The following MGAT5B variants were observed in gnomAD, a reference collection of about 807,000 sequenced individuals.
The protein encoded by MGAT5B is N-acetylglucosaminyl-transferase Vb.
Under a neutral mutation model 95.1 loss-of-function variants are expected in MGAT5B, and 54 were observed. The ratio of observed to expected loss-of-function variants is 0.57; its 90% CI spans 0.46 to 0.71. The LOEUF is 0.71. Among genes scored for constraint, MGAT5B ranks in the 30% least tolerant of loss-of-function variants. The probability of loss-of-function intolerance (pLI) is 0.00; values close to 1 mark genes in which losing one functional copy is unlikely to be tolerated. For synonymous variants in MGAT5B, 464 were observed against 451.0 expected, an observed-to-expected ratio of 1.03 and a Z score of -0.36; for missense variants, 935 against 1,088.6, an observed-to-expected ratio of 0.86 and a Z score of 1.99.
In MGAT5B at chr17:76,870,034, C is replaced by T. The variant is rs1344666692; in HGVS notation, c.68+937C>T. On this transcript the variant is annotated intron_variant, in intron 1 of 17. Transcript: ENST00000569840. The surrounding 1 kb of genome is among the most constrained non-coding windows in gnomAD (Gnocchi z 5.0). The stretch of plus-strand genomic sequence containing the variant: ...GCAGCGAGGAAGCTGGGGGAGTGAC[C>T]GCCCCGGCGCGGGGGCCGGACTCGG... 2.0e-5 allele frequency among the ~76,000 whole-genome samples: 3 copies of T among 152,182 alleles called. No homozygotes were observed. The highest frequency in any genetic ancestry group is 2.1e-4 in the South Asian group (1 of 4,838).
At chr17:76,921,039 G>T (rs1369890683) in intron 8 of MGAT5B, among the ~76,000 whole-genome samples, 1 of 152,190 alleles carries the variant, frequency 6.6e-6, no homozygotes, top group Non-Finnish European at 1.5e-5. Context: ...ACATTGACCA[G>T]GTGTGTCCCA....
Position 76,868,990 on chromosome 17 carries a change from C to T in MGAT5B, c.-40C>T, listed in dbSNP as rs746893712. On this transcript the variant is annotated 5_prime_UTR_variant, in exon 1 of 18. Transcript: ENST00000569840. This position sits in a 1 kb window ranked among gnomAD's most constrained non-coding sequence, Gnocchi z 6.3. ...AGAGCTGGGCCCAGGACGGTGCGTC[C>T]GGCCTCGCCCGCGGCTGCTCGCACC... 3.1e-6 allele frequency: 5 copies of T among 1,601,920 alleles called. No homozygotes were observed. Among genetic ancestry groups the T allele is most frequent in the Non-Finnish European group, 3.4e-6 (4 of 1,169,420 alleles).
intron 8 of MGAT5B, among the ~76,000 whole-genome samples, chr17:76,908,694 T>C (rs1175931784): frequency 6.6e-6 from 1 of 152,206 alleles, no homozygotes; most frequent in African/African-American, 2.4e-5. Flanking sequence ...GTACTGGGGA[T>C]CTATCATCTT....
At chr17:76,877,028 A>G (rs747232717) in intron 2 of MGAT5B, among the ~76,000 whole-genome samples, 4 of 152,134 alleles carry the variant, frequency 2.6e-5, no homozygotes, top group Non-Finnish European at 5.9e-5. Flanking sequence ...CTTGTCTTGA[A>G]GAAGCAGTGG....
chr17:76,891,489 C>T (rs1392839942), intron 3 of MGAT5B, among the ~76,000 whole-genome samples: 1 of 152,116 alleles, frequency 6.6e-6, no homozygotes, highest in African/African-American at 2.4e-5. Context: ...AAGCGATTCT[C>T]CTGCCTGAGC....
chr17:76,868,932 G>T lies in MGAT5B; in HGVS notation c.-98G>T. On this transcript the variant is annotated 5_prime_UTR_variant, in exon 1 of 18. Coordinates refer to ENST00000569840, the MANE Select transcript of MGAT5B (RefSeq NM_001199172.2). This position sits in a 1 kb window ranked among gnomAD's most constrained non-coding sequence, Gnocchi z 6.3. ...CCCAGCTTCGCTCGGACGCGGCTTCGGCCCGCAGAGGGTTCGTGGCCCGGA... is the reference window on the plus strand; with the variant it reads ...CCCAGCTTCGCTCGGACGCGGCTTCTGCCCGCAGAGGGTTCGTGGCCCGGA... 1 of 1,220,584 alleles carries T rather than the reference G, an allele frequency of 8.2e-7. No homozygotes were observed. Among genetic ancestry groups the T allele is most frequent in the Non-Finnish European group, 1.2e-6 (1 of 853,912 alleles). 75.6% of individuals were successfully genotyped at this position (1,220,584 alleles called of 1,614,324 possible). A position where few individuals can be genotyped will look rare whatever the true frequency, so the allele number is the denominator to read the frequency against.
At chr17:76,909,030 C>T (rs1039271484) in intron 8 of MGAT5B, among the ~76,000 whole-genome samples, 3 of 152,150 alleles carry the variant, frequency 2.0e-5, no homozygotes, top group Non-Finnish European at 4.4e-5. Flanking sequence ...TGGTCTCGAA[C>T]TCCTGACCTC....
chr17:76,947,744 T>G lies in MGAT5B; in HGVS notation c.1924-86T>G, dbSNP rs928508897. 1.0e-5 allele frequency: 15 copies of G among 1,466,184 alleles called. No homozygotes were observed. In the Admixed American group the frequency reaches 2.1e-4, roughly 21 times the overall value. 90.8% of individuals were successfully genotyped at this position (1,466,184 alleles called of 1,614,324 possible). A position where few individuals can be genotyped will look rare whatever the true frequency, so the allele number is the denominator to read the frequency against. On this transcript the variant is annotated intron_variant, in intron 16 of 17. Coordinates refer to ENST00000569840, the MANE Select transcript of MGAT5B (RefSeq NM_001199172.2). ...AGCGCCCAGTAGTGGTGGCTCGTACTGGCACGGCAGGGCCACACCTTCAGG... is the reference window on the plus strand; with the variant it reads ...AGCGCCCAGTAGTGGTGGCTCGTACGGGCACGGCAGGGCCACACCTTCAGG...
chr17:76,926,677 G>A lies in MGAT5B; in HGVS notation c.1238G>A (p.Arg413Gln), dbSNP rs1247286744. 13 of 1,612,622 alleles carry A rather than the reference G, an allele frequency of 8.1e-6. No individual in the cohort carries two copies. Among genetic ancestry groups the A allele is most frequent in the South Asian group, 4.4e-5 (4 of 91,086 alleles). ...GAGTACGCCACGCTGCACGGCTACC[G>A]GACCAACTGGGGCTACTGGAACCTC... Reference protein sequence around the residue: ...HEEYATLHGYRTNWGYWNLNP... With the variant: ...HEEYATLHGYQTNWGYWNLNP... Residue 413 changes from arginine to glutamine, a missense_variant, in exon 10 of 18, where the codon CGG (arginine) becomes CAG (glutamine). Around this residue, in one of 4 missense-constraint regions of MGAT5B, gnomAD observed 440 missense variants for 523.6 expected, o/e 0.84. Transcript: ENST00000569840.
At chr17:76,893,028 G>A (rs1967934370) in intron 3 of MGAT5B, among the ~76,000 whole-genome samples, 1 of 152,188 alleles carries the variant, frequency 6.6e-6, no homozygotes, top group Admixed American at 6.5e-5. Flanking sequence ...TCTTTCTAAT[G>A]TGTGGGTGTG....
intron 8 of MGAT5B, among the ~76,000 whole-genome samples, chr17:76,922,330 G>T (rs1421008036): frequency 1.3e-5 from 2 of 152,218 alleles, no homozygotes; most frequent in African/African-American, 4.8e-5. Flanking sequence ...CCTGGTTTCT[G>T]CAAGGAAGGA....
At chr17:76,877,306 C>T (rs1007822597) in intron 2 of MGAT5B, among the ~76,000 whole-genome samples, 1 of 131,834 alleles carries the variant, frequency 7.6e-6, no homozygotes, top group African/African-American at 2.9e-5. Flanking sequence ...GCCTGGGTGA[C>T]AGAGCAAGAC....
At chr17:76,926,858 C>A (rs756779069) in intron 10 of MGAT5B, 128 bp downstream of exon 10, 6 of 1,184,408 alleles carry the variant, frequency 5.1e-6, no homozygotes, top group Non-Finnish European at 6.0e-6. Context: ...TTGGTGGGAC[C>A]CAGCAAGCAT....
rs548461088 is a variant in MGAT5B, at chr17:76,943,710, G to A, written c.1849-2666G>A. ...CCCGCCTCGGCCTCCCAAAGAGCTG[G>A]GATTACAGGCATGAGCCACCATGCC... On this transcript the variant is annotated intron_variant, in intron 15 of 17. Transcript: ENST00000569840. Among the ~76,000 whole-genome samples, 9 of 152,136 alleles carry A rather than the reference G, an allele frequency of 5.9e-5. No homozygotes were observed. In the South Asian group the frequency reaches 1.2e-3, roughly 21 times the overall value.
At chr17:76,937,576 G>A (rs1391071480) in intron 12 of MGAT5B, among the ~76,000 whole-genome samples, 2 of 152,058 alleles carry the variant, frequency 1.3e-5, no homozygotes, top group African/African-American at 4.8e-5. Context: ...TGGATGGTGG[G>A]TAGATGGATG....
At chr17:76,933,261 G>C (rs1292802946) in intron 11 of MGAT5B, 31 bp from the exon 12 acceptor site, 1 of 1,598,294 alleles carries the variant, frequency 6.3e-7, no homozygotes, top group Non-Finnish European at 8.5e-7. Context: ...CTCTCTCTCT[G>C]TTCCTTGTGC....
rs1156852910 is a variant in MGAT5B at position 76,869,309 on chromosome 17, C to T, written c.68+212C>T. Among the ~76,000 whole-genome samples, 3 of 151,868 alleles carry T rather than the reference C, an allele frequency of 2.0e-5. No homozygotes were observed. In the South Asian group the frequency reaches 6.2e-4, roughly 32 times the overall value. On this transcript the variant is annotated intron_variant, in intron 1 of 17. Transcript: ENST00000569840. This position sits in a 1 kb window ranked among gnomAD's most constrained non-coding sequence, Gnocchi z 7.0. ...GGTTGTGTTATTCGGGGACCTGTCC[C>T]GAGTTGGGCAGGGTTGGAGAGGACT... is the stretch of plus-strand genomic sequence containing the variant.
rs768461458 is a variant in MGAT5B, at chr17:76,869,113, G to A, written c.68+16G>A. 1.2e-5 allele frequency: 19 copies of A among 1,613,586 alleles called. No individual in the cohort carries two copies. In the East Asian group the frequency reaches 3.6e-4, roughly 30 times the overall value. On this transcript the variant is annotated intron_variant, in intron 1 of 17. Transcript: ENST00000569840. This position sits in a 1 kb window ranked among gnomAD's most constrained non-coding sequence, Gnocchi z 7.0. Reference sequence around the variant, plus strand: ...GACCCTTTCGGTAAAGTTCCCTCCTGGTTGGTTTTTTCCCCAGGGGGGCGC... The same window carrying A: ...GACCCTTTCGGTAAAGTTCCCTCCTAGTTGGTTTTTTCCCCAGGGGGGCGC...
In MGAT5B at chr17:76,924,973, G is replaced by C. The variant is rs1969252450; in HGVS notation, c.1033G>C (p.Gly345Arg). The C allele has an allele frequency of 6.2e-7, 1 of 1,611,926 alleles. No individual in the cohort carries two copies. Among genetic ancestry groups the C allele is most frequent in the African/African-American group, 1.3e-5 (1 of 74,738 alleles). ...GAAGGGCTCTTCTCTCAGTAACTTA[G>C]GGGTACCGCCAGGCCGGGGAAGCTG... Reference protein sequence around the residue: ...VSLKELQSNLGVPPGRGSCPL... With the variant: ...VSLKELQSNLRVPPGRGSCPL... The change falls in exon 9 of 18, where the codon GGG becomes CGG. Residue 345 changes from glycine to arginine, a missense_variant. Physicochemically the swap from Gly to Arg is moderately radical, Grantham distance 125. This residue lies in a region of MGAT5B where 243 missense variants were observed against 305.5 expected (regional missense o/e 0.80). Coordinates refer to ENST00000569840, the MANE Select transcript of MGAT5B (RefSeq NM_001199172.2).
Sources: gnomAD v4.1 joint callset for allele counts (sites outside exome capture counted in the v4.1 genomes callset) on GRCh38, gnomAD v4.1.1 for gene constraint, gnomAD v4.1.1 regional missense constraint, Gnocchi (gnomAD v3.1) non-coding constraint, MANE v1.5 for transcripts, NCBI Gene and HGNC (gene_info 2026-07-23, HGNC 2026-07-21) for gene names.